The following IFT74 variants were observed in gnomAD, a reference collection of about 807,000 sequenced individuals.
IFT74 encodes the protein intraflagellar transport protein 74 homolog.
A neutral mutation model predicts 96.7 loss-of-function variants in IFT74; 92 were observed. The observed-to-expected ratio is 0.95, with a 90% CI of 0.80 to 1.13. The LOEUF is 1.13. IFT74 is among the 50% of genes most tolerant of loss of function. The pLI is 0.00. For missense variants in IFT74, 811 were observed against 698.2 expected, an observed-to-expected ratio of 1.16 and a Z score of -1.82; for synonymous variants, 223 against 213.2, an observed-to-expected ratio of 1.05 and a Z score of -0.40.
chr9:26,947,631 C>A (rs1825788125), intron 1 of IFT74, among the ~76,000 whole-genome samples: 1 of 152,186 alleles, frequency 6.6e-6, no homozygotes, highest in Non-Finnish European at 1.5e-5. Context: ...ATCCTCACTG[C>A]TTTTCCCTGA....
intron 16 of IFT74, among the ~76,000 whole-genome samples, chr9:27,052,620 G>T (rs185898868): frequency 6.6e-6 from 1 of 151,262 alleles, no homozygotes; most frequent in East Asian, 2.0e-4. Flanking sequence ...TTAATAGTAT[G>T]ATAAGGATTT....
At chr9:27,004,536 C>G (rs1239025045) in intron 8 of IFT74, among the ~76,000 whole-genome samples, 1 of 152,094 alleles carries the variant, frequency 6.6e-6, no homozygotes, top group Admixed American at 6.6e-5. Context: ...CATTTGCTAG[C>G]ATTATTGGGT....
At chr9:27,047,519 A>C in intron 15 of IFT74, 148 bp downstream of exon 15, 3 of 543,276 alleles carry the variant, frequency 5.5e-6, no homozygotes, top group Non-Finnish European at 9.7e-6. Flanking sequence ...TATTTATTTC[A>C]GCTATTAACT....
chr9:26,997,225 A>C (rs1022518811), intron 8 of IFT74, among the ~76,000 whole-genome samples: 1 of 151,688 alleles, frequency 6.6e-6, no homozygotes, highest in Non-Finnish European at 1.5e-5. Context: ...AAAAAAAAAA[A>C]ATTTCTTAAT....
At chr9:27,050,821 A>G (rs1819888473) in intron 16 of IFT74, among the ~76,000 whole-genome samples, 1 of 152,088 alleles carries the variant, frequency 6.6e-6, no homozygotes, top group African/African-American at 2.4e-5. Context: ...CCAGCATGGC[A>G]CATGTATACA....
At chr9:26,996,182 G>T (rs951951013) in intron 8 of IFT74, 8 of 636,392 alleles carry the variant, frequency 1.3e-5, no homozygotes, top group Non-Finnish European at 1.9e-5. Flanking sequence ...GCAATATTTT[G>T]TAAATCTTTA....
upstream of IFT74, among the ~76,000 whole-genome samples, chr9:26,952,279 CCTT>C (rs1825958459): frequency 7.1e-6 from 1 of 141,630 alleles, no homozygotes; most frequent in Admixed American, 7.0e-5. Context: ...TTTTTTTTAA[CCTT>C]TTTTTTTTTT....
chr9:26,984,071 A>C (rs1827518110), intron 4 of IFT74, 186 bp from the exon 5 acceptor site: 1 of 415,068 alleles, frequency 2.4e-6, no homozygotes, highest in Non-Finnish European at 4.1e-6. Context: ...GGCTTGACCC[A>C]CCGCACCCAG....
At chr9:26,979,717 T>TA (rs1827280157) in intron 3 of IFT74, among the ~76,000 whole-genome samples, 2 of 140,996 alleles carry the variant, frequency 1.4e-5, no homozygotes, top group African/African-American at 2.7e-5. Context: ...TTTTTTTTTT[T>TA]TTTTTTTTTT....
At chr9:26,967,369 A>T (rs181324978) in intron 2 of IFT74, among the ~76,000 whole-genome samples, 7 of 152,114 alleles carry the variant, frequency 4.6e-5, no homozygotes, top group African/African-American at 1.7e-4. Flanking sequence ...TAAATGGGAT[A>T]ACTTTCTTGA....
At chr9:26,985,282 G>T (rs192596706) in intron 6 of IFT74, among the ~76,000 whole-genome samples, 128 of 152,128 alleles carry the variant, frequency 8.4e-4, no homozygotes, top group African/African-American at 3.0e-3. Flanking sequence ...ACAGATAATG[G>T]GATCTACTTG....
At chr9:26,991,469 C>T (rs1194263136) in intron 8 of IFT74, among the ~76,000 whole-genome samples, 2 of 152,102 alleles carry the variant, frequency 1.3e-5, no homozygotes, top group African/African-American at 4.8e-5. Context: ...GTCCTCCTAC[C>T]TTGGCCTCCT....
At position 26,958,134 on chromosome 9, in the gene IFT74, A is replaced by G. The variant is rs1402594703; in HGVS notation, c.-20+1618A>G. ...TACGAGGAAATTTAAAAGATACAAG[A>G]GAGAACAAAGTTTTTGCTTATCACT... On this transcript the variant is annotated intron_variant, in intron 1 of 19. Transcript: ENST00000380062. Among the ~76,000 whole-genome samples, 3 of 152,248 alleles carry G rather than the reference A, an allele frequency of 2.0e-5. No individual in the cohort carries two copies. In the South Asian group the frequency reaches 6.2e-4, roughly 32 times the overall value.
chr9:26,984,367 G>T lies in IFT74; in HGVS notation c.404+12G>T. On this transcript the variant is annotated intron_variant, in intron 5 of 19. Transcript: ENST00000380062. Reference sequence around the variant, plus strand: ...TCATATGAAAAGAGGTGAGTAATAAGTATTCAGTATTCATTCAGTATTTTG... The same window carrying T: ...TCATATGAAAAGAGGTGAGTAATAATTATTCAGTATTCATTCAGTATTTTG... 6.3e-7 allele frequency: 1 copy of T among 1,578,308 alleles called. No homozygotes were observed. The highest frequency in any genetic ancestry group is 8.6e-7 in the Non-Finnish European group (1 of 1,159,674).
intron 13 of IFT74, among the ~76,000 whole-genome samples, chr9:27,036,078 A>C (rs912932300): frequency 6.6e-6 from 1 of 152,254 alleles, no homozygotes; most frequent in African/African-American, 2.4e-5. Context: ...TAGAGAAAAG[A>C]AAATGTTATT....
chr9:26,975,599 C>T (rs10967635), intron 2 of IFT74, among the ~76,000 whole-genome samples: 12,278 of 152,162 alleles, frequency 0.081, 1,599 homozygotes, highest in East Asian at 0.66. Context: ...TCCTGTCTTA[C>T]GTGAAACATT....
intron 6 of IFT74, among the ~76,000 whole-genome samples, chr9:26,985,185 T>C (rs1827582287): frequency 1.3e-5 from 2 of 152,182 alleles, no homozygotes; most frequent in Non-Finnish European, 2.9e-5. Context: ...TCATTATCCT[T>C]AGCAAACTAA....
intron 8 of IFT74, among the ~76,000 whole-genome samples, chr9:27,002,116 C>T (rs1207153543): frequency 1.3e-5 from 2 of 152,166 alleles, no homozygotes; most frequent in Non-Finnish European, 2.9e-5. Flanking sequence ...GGAGGAGCTA[C>T]ACACTTTTAA....
At chr9:27,014,899 G>A (rs1384664326) in intron 10 of IFT74, among the ~76,000 whole-genome samples, 5 of 152,192 alleles carry the variant, frequency 3.3e-5, no homozygotes, top group African/African-American at 1.2e-4. Context: ...GAGCTATCAC[G>A]CCCAGCCCAG....
Sources: gnomAD v4.1 joint callset for allele counts (sites outside exome capture counted in the v4.1 genomes callset) on GRCh38, gnomAD v4.1.1 for gene constraint, MANE v1.5 for transcripts, NCBI Gene and HGNC (gene_info 2026-07-23, HGNC 2026-07-21) for gene names.